The following HS3ST4 variants were observed in gnomAD, a reference collection of about 807,000 sequenced individuals.
HS3ST4 encodes the protein heparan sulfate-glucosamine 3-sulfotransferase 4.
Under a neutral mutation model 29.2 loss-of-function variants are expected in HS3ST4, and 17 were observed. That is an observed-to-expected ratio of 0.58 (90% CI 0.40 to 0.87). HS3ST4 has a LOEUF of 0.87. Ranked by LOEUF, HS3ST4 falls within the 40% of genes least tolerant of loss-of-function variation. The pLI is 0.00. For synonymous variants in HS3ST4, 314 were observed against 285.7 expected, an observed-to-expected ratio of 1.10 and a Z score of -1.00; for missense variants, 627 against 634.5, an observed-to-expected ratio of 0.99 and a Z score of 0.13.
intron 1 of HS3ST4, among the ~76,000 whole-genome samples, chr16:25,717,475 G>A (rs1966461877): frequency 6.6e-6 from 1 of 151,324 alleles, no homozygotes; most frequent in Non-Finnish European, 1.5e-5. Context: ...AGTGGCATTT[G>A]AGATGAGATC....
chr16:25,893,482 G>A (rs1968030574), intron 1 of HS3ST4, among the ~76,000 whole-genome samples: 1 of 152,194 alleles, frequency 6.6e-6, no homozygotes, highest in African/African-American at 2.4e-5. Context: ...CCGTTGGTCA[G>A]CCTTGTGTCA....
At chr16:25,874,521 G>A (rs1967808735) in intron 1 of HS3ST4, among the ~76,000 whole-genome samples, 1 of 151,952 alleles carries the variant, frequency 6.6e-6, no homozygotes. Flanking sequence ...CATTTAACAG[G>A]CACTTTCCAC....
rs371724997 is a variant in HS3ST4, at chr16:25,767,746, G to C, written c.734+74595G>C. 1.4e-4 allele frequency among the ~76,000 whole-genome samples: 21 copies of C among 152,256 alleles called. No homozygotes were observed. The East Asian group carries it at 3.7e-3, about 27-fold the overall frequency. On this transcript the variant is annotated intron_variant, in intron 1 of 1. Coordinates refer to ENST00000331351, the MANE Select transcript of HS3ST4 (RefSeq NM_006040.3). ...AGTACTCAGCCATGTCTGGCACATG[G>C]CAAACGCTCAAGAGATATTTCTGAA...
chr16:25,698,073 T>C (rs528746556), intron 1 of HS3ST4, among the ~76,000 whole-genome samples: 27 of 152,114 alleles, frequency 1.8e-4, no homozygotes, highest in Non-Finnish European at 2.6e-4. Flanking sequence ...GGGGAATGTG[T>C]GTGTGCATGT....
chr16:25,993,361 G>C (rs1306413899), intron 1 of HS3ST4, among the ~76,000 whole-genome samples: 4 of 152,078 alleles, frequency 2.6e-5, no homozygotes, highest in Non-Finnish European at 5.9e-5. Flanking sequence ...GCTCCATCTA[G>C]CTTTTACTTC....
At chr16:25,904,642 A>C (rs534755881) in intron 1 of HS3ST4, among the ~76,000 whole-genome samples, 2 of 152,266 alleles carry the variant, frequency 1.3e-5, no homozygotes, top group African/African-American at 4.8e-5. Flanking sequence ...TTTTTTCAAT[A>C]AGTCTTTCAA....
intron 1 of HS3ST4, among the ~76,000 whole-genome samples, chr16:25,823,032 C>T (rs1967178311): frequency 6.6e-6 from 1 of 152,232 alleles, no homozygotes; most frequent in South Asian, 2.1e-4. Context: ...ACCACTGCAC[C>T]CAGCCCACAG....
chr16:25,858,877 C>A (rs1308837427), intron 1 of HS3ST4, among the ~76,000 whole-genome samples: 1 of 152,014 alleles, frequency 6.6e-6, no homozygotes, highest in African/African-American at 2.4e-5. Flanking sequence ...CTTTTTTTAT[C>A]TGGTTTCTCT....
At chr16:25,765,870 G>A (rs1420419321) in intron 1 of HS3ST4, among the ~76,000 whole-genome samples, 2 of 152,154 alleles carry the variant, frequency 1.3e-5, no homozygotes, top group African/African-American at 4.8e-5. Context: ...CTGGGAGGGG[G>A]TTTGGATGTG....
At chr16:26,099,278 C>A (rs1186645283) in intron 1 of HS3ST4, among the ~76,000 whole-genome samples, 4 of 152,192 alleles carry the variant, frequency 2.6e-5, no homozygotes, top group African/African-American at 9.7e-5. Flanking sequence ...CTTCAGCCCC[C>A]TGAATGGCTG....
At chr16:25,741,894 A>G (rs1966656194) in intron 1 of HS3ST4, among the ~76,000 whole-genome samples, 1 of 152,128 alleles carries the variant, frequency 6.6e-6, no homozygotes, top group Non-Finnish European at 1.5e-5. Context: ...CCAAACCCAC[A>G]TTCTTAATTG....
rs544456434 is a variant in HS3ST4, at chr16:26,049,297, G to C, written c.735-86315G>C. ...CTGCCGTGGGTGAAGGCAAGGTGAG[G>C]GGGGAGGAAAAAGGTGGACCTGCTG... On this transcript the variant is annotated intron_variant, in intron 1 of 1. Coordinates refer to ENST00000331351, the MANE Select transcript of HS3ST4 (RefSeq NM_006040.3). 1.1e-4 allele frequency among the ~76,000 whole-genome samples: 17 copies of C among 150,734 alleles called. No individual in the cohort carries two copies. The South Asian group carries it at 2.5e-3, about 22-fold the overall frequency.
intron 1 of HS3ST4, among the ~76,000 whole-genome samples, chr16:26,070,239 G>A (rs1898586664): frequency 6.6e-6 from 1 of 152,086 alleles, no homozygotes; most frequent in South Asian, 2.1e-4. Context: ...ACTTTTTAAT[G>A]ATCGCCATTC....
chr16:25,692,477 G>C lies in HS3ST4; in HGVS notation c.60G>C (p.Pro20=). 7.3e-7 allele frequency: 1 copy of C among 1,366,784 alleles called. No homozygotes were observed. Among genetic ancestry groups the C allele is most frequent in the South Asian group, 1.5e-5 (1 of 65,770 alleles). The allele number at this position is 1,366,784 out of a possible 1,614,324, so 84.7% of individuals were successfully genotyped here. The change falls in exon 1 of 2, where the codon CCG becomes CCC. Residue 20 remains proline, a synonymous_variant. Coordinates refer to ENST00000331351, the MANE Select transcript of HS3ST4 (RefSeq NM_006040.3). ...PPPPPPPLAA[P]PPPGASAKGP... ...CTCCGCCTCCACCTCTGGCCGCGCC[G>C]CCGCCGCCCGGCGCCTCTGCTAAGG...
intron 1 of HS3ST4, among the ~76,000 whole-genome samples, chr16:25,859,082 C>T (rs988975346): frequency 6.6e-6 from 1 of 152,034 alleles, no homozygotes; most frequent in Non-Finnish European, 1.5e-5. Flanking sequence ...TTTAAAAGTG[C>T]TTTTTTGGTA....
intron 1 of HS3ST4, among the ~76,000 whole-genome samples, chr16:26,111,580 T>C (rs1899129858): frequency 6.6e-6 from 1 of 152,228 alleles, no homozygotes. Flanking sequence ...CTGGATGTGA[T>C]GATGGAGGAG....
At chr16:25,817,141 T>C (rs962085431) in intron 1 of HS3ST4, among the ~76,000 whole-genome samples, 3 of 152,246 alleles carry the variant, frequency 2.0e-5, no homozygotes, top group African/African-American at 7.2e-5. Flanking sequence ...CTTTGGCAGG[T>C]TATTTAACCT....
intron 1 of HS3ST4, among the ~76,000 whole-genome samples, chr16:25,732,626 T>G (rs368250223): frequency 3.3e-5 from 5 of 152,126 alleles, no homozygotes; most frequent in African/African-American, 9.7e-5. Context: ...AAAAGGAGTA[T>G]CAAATAAGAT....
rs549259942 is a variant in HS3ST4 at position 26,118,246 on chromosome 16, T to G, written c.735-17366T>G. 5.3e-5 allele frequency among the ~76,000 whole-genome samples: 8 copies of G among 152,252 alleles called. No homozygotes were observed. In the South Asian group the frequency reaches 1.7e-3, roughly 32 times the overall value. On this transcript the variant is annotated intron_variant, in intron 1 of 1. Coordinates refer to ENST00000331351, the MANE Select transcript of HS3ST4 (RefSeq NM_006040.3). Reference sequence around the variant, plus strand: ...ACACTTGGCTAATTTTTAAAATCTTTTGTAGAGATGAGATCTTGCCATGTT... The same window carrying G: ...ACACTTGGCTAATTTTTAAAATCTTGTGTAGAGATGAGATCTTGCCATGTT...
Sources: gnomAD v4.1 joint callset for allele counts (sites outside exome capture counted in the v4.1 genomes callset) on GRCh38, gnomAD v4.1.1 for gene constraint, MANE v1.5 for transcripts, NCBI Gene and HGNC (gene_info 2026-07-23, HGNC 2026-07-21) for gene names.